The following ZSCAN25 variants were observed in gnomAD, a reference collection of about 807,000 sequenced individuals.
The protein encoded by ZSCAN25 is zinc finger and SCAN domain containing 25, also known as zinc finger and SCAN domain-containing protein 25.
ZSCAN25 carries 27 observed loss-of-function variants against 38.7 expected under a neutral mutation model. The observed-to-expected ratio is 0.70, with a 90% CI of 0.51 to 0.96. The LOEUF (loss-of-function observed/expected upper bound fraction) is 0.96, where lower values mean the gene tolerates loss of function less well. Among genes scored for constraint, ZSCAN25 ranks in the 40% least tolerant of loss-of-function variants. The probability of loss-of-function intolerance (pLI) is 0.00; values close to 1 mark genes in which losing one functional copy is unlikely to be tolerated. For synonymous variants in ZSCAN25, 273 were observed against 277.7 expected (o/e 0.98, Z 0.17); for missense variants, 637 against 705.9 (o/e 0.90, Z 1.11).
At chr7:99,637,181 G>A (rs1269473529), downstream of ZSCAN25, among the ~76,000 whole-genome samples, 2 of 152,178 alleles carry the variant, frequency 1.3e-5, no homozygotes, top group South Asian at 2.1e-4. Context: ...TTTTCAACTA[G>A]GTAAAAGGTG....
the ZSCAN25 span, among the ~76,000 whole-genome samples, chr7:99,720,135 A>G: frequency 6.6e-6 from 1 of 152,226 alleles, no homozygotes; most frequent in South Asian, 2.1e-4. Context: ...TAATGTGAAT[A>G]TACTGTATTT....
chr7:99,666,704 G>T, the ZSCAN25 span: 8 of 1,614,004 alleles, frequency 5.0e-6, no homozygotes, highest in Non-Finnish European at 6.8e-6. Context: ...GCACAAAACA[G>T]ATCAGTACCT....
At chr7:99,732,692 A>C in the ZSCAN25 span, among the ~76,000 whole-genome samples, 4 of 152,182 alleles carry the variant, frequency 2.6e-5, no homozygotes, top group African/African-American at 9.7e-5. Context: ...CCAGCCATCA[A>C]TTCAACCATG....
the ZSCAN25 span, among the ~76,000 whole-genome samples, chr7:99,695,520 G>A: frequency 6.6e-6 from 1 of 152,134 alleles, no homozygotes; most frequent in African/African-American, 2.4e-5. Context: ...TCAGGTTGCC[G>A]ATATACCTGA....
At chr7:99,698,512 G>GT in the ZSCAN25 span, among the ~76,000 whole-genome samples, 3 of 152,124 alleles carry the variant, frequency 2.0e-5, no homozygotes, top group Non-Finnish European at 2.9e-5. Context: ...CTGCCTGACA[G>GT]TTTAAGATAA....
the ZSCAN25 span, chr7:99,700,143 G>A: frequency 4.0e-6 from 3 of 740,990 alleles, no homozygotes; most frequent in East Asian, 2.7e-5. Context: ...GCAGTCTTAG[G>A]TCAAGCTGCT....
At chr7:99,699,110 G>A in the ZSCAN25 span, among the ~76,000 whole-genome samples, 2 of 152,076 alleles carry the variant, frequency 1.3e-5, no homozygotes, top group Non-Finnish European at 2.9e-5. Context: ...ACACAAAGGG[G>A]AAAAAATGTG....
the ZSCAN25 span, chr7:99,695,954 A>T: frequency 1.3e-6 from 1 of 781,578 alleles, no homozygotes; most frequent in Non-Finnish European, 2.1e-6. Flanking sequence ...ACATTAAGGC[A>T]ATAAATGATA....
the ZSCAN25 span, among the ~76,000 whole-genome samples, chr7:99,648,978 C>T: frequency 6.6e-6 from 1 of 152,174 alleles, no homozygotes; most frequent in Non-Finnish European, 1.5e-5. Flanking sequence ...CGGGGAATTT[C>T]TCAAGTTGTA....
chr7:99,676,372 C>G, the ZSCAN25 span: 5 of 1,527,524 alleles, frequency 3.3e-6, no homozygotes, highest in Non-Finnish European at 2.6e-6. Context: ...TCATCAGGTC[C>G]TTTCCTGACT....
chr7:99,636,759 G>A (rs1378582887), downstream of ZSCAN25, among the ~76,000 whole-genome samples: 1 of 152,212 alleles, frequency 6.6e-6, no homozygotes, highest in African/African-American at 2.4e-5. Flanking sequence ...TATCATAGTG[G>A]TTGCAATCCA....
the ZSCAN25 span, chr7:99,665,409 C>T: frequency 5.7e-5 from 85 of 1,489,400 alleles, 2 homozygotes; most frequent in African/African-American, 1.1e-4. Context: ...AGTCAAGACA[C>T]ATAAAGAGCC....
chr7:99,652,794 A>T, the ZSCAN25 span: 1 of 1,599,470 alleles, frequency 6.3e-7, no homozygotes, highest in Non-Finnish European at 8.6e-7. Context: ...AAGGAAAGAA[A>T]CAGAATTGGA....
chr7:99,626,314 G>A (rs1037707549), intron 7 of ZSCAN25, among the ~76,000 whole-genome samples: 5 of 152,194 alleles, frequency 3.3e-5, no homozygotes, highest in Admixed American at 6.5e-5. Context: ...GAGTGAGGCC[G>A]CTGAGGAGTC....
the ZSCAN25 span, chr7:99,710,765 C>G: frequency 6.2e-7 from 1 of 1,613,906 alleles, no homozygotes; most frequent in Non-Finnish European, 8.5e-7. Flanking sequence ...TTTCCTTCTG[C>G]ACTTTCTGCT....
chr7:99,642,937 T>C, the ZSCAN25 span, among the ~76,000 whole-genome samples: 1 of 152,180 alleles, frequency 6.6e-6, no homozygotes, highest in African/African-American at 2.4e-5. Context: ...AGAGACAGTA[T>C]GGGCGTGAAA....
chr7:99,702,129 G>A, the ZSCAN25 span, among the ~76,000 whole-genome samples: 1 of 131,578 alleles, frequency 7.6e-6, no homozygotes, highest in South Asian at 2.4e-4. Flanking sequence ...TTACTCTGTT[G>A]CCCAGGCTGG....
the ZSCAN25 span, among the ~76,000 whole-genome samples, chr7:99,693,309 G>T: frequency 6.6e-6 from 1 of 152,084 alleles, no homozygotes; most frequent in Non-Finnish European, 1.5e-5. Flanking sequence ...AGTGTCTGTC[G>T]GCCTCTACTG....
chr7:99,650,831 T>A, the ZSCAN25 span, among the ~76,000 whole-genome samples: 1 of 152,150 alleles, frequency 6.6e-6, no homozygotes, highest in Non-Finnish European at 1.5e-5. Context: ...CAGGATAGTT[T>A]AAGTCACATA....
Sources: gnomAD v4.1 joint callset for allele counts (sites outside exome capture counted in the v4.1 genomes callset) on GRCh38, gnomAD v4.1.1 for gene constraint, MANE v1.5 for transcripts, NCBI Gene and HGNC (gene_info 2026-07-23, HGNC 2026-07-21) for gene names.